Variants in SUSD4 observed in about 807,000 individuals in gnomAD.
The protein encoded by SUSD4 is sushi domain containing 4.
Under a neutral mutation model 50.5 loss-of-function variants are expected in SUSD4, and 41 were observed. The ratio of observed to expected loss-of-function variants is 0.81; its 90% confidence interval spans 0.63 to 1.05. The LOEUF (loss-of-function observed/expected upper bound fraction) is 1.05. Ranked by LOEUF, SUSD4 falls within the 50% of genes least tolerant of loss-of-function variation. SUSD4 has a pLI of 0.00. For missense variants in SUSD4, 580 were observed against 634.7 expected (o/e 0.91, Z 0.93); for synonymous variants, 257 against 257.3 (o/e 1.00, Z 0.01).
At chr1:223,226,080 C>A (rs2102992817) in intron 7 of SUSD4, among the ~76,000 whole-genome samples, 1 of 152,302 alleles carries the variant, frequency 6.6e-6, no homozygotes, top group African/African-American at 2.4e-5. Context: ...GGAAACTTTT[C>A]TTCCAAGCAT....
At chr1:223,235,154 G>T in intron 5 of SUSD4, 1 of 1,370,412 alleles carries the variant, frequency 7.3e-7, no homozygotes, top group Admixed American at 2.8e-5. Context: ...TCTCTTGATT[G>T]AAAAAAAAAA....
At chr1:223,244,572 A>G (rs1419788666) in intron 5 of SUSD4, among the ~76,000 whole-genome samples, 1 of 152,168 alleles carries the variant, frequency 6.6e-6, no homozygotes, top group African/African-American at 2.4e-5. Flanking sequence ...CCCTCAGTGT[A>G]GATAATGCAG....
intron 5 of SUSD4, among the ~76,000 whole-genome samples, chr1:223,258,195 C>T (rs755639014): frequency 3.7e-4 from 57 of 152,156 alleles, no homozygotes; most frequent in Non-Finnish European, 7.2e-4. Flanking sequence ...TTATACCAGG[C>T]GCCTCTTGTA....
intron 4 of SUSD4, among the ~76,000 whole-genome samples, chr1:223,268,284 T>C (rs1274985000): frequency 6.6e-6 from 1 of 151,884 alleles, no homozygotes; most frequent in Non-Finnish European, 1.5e-5. Context: ...TAAAACTGGG[T>C]GTATGGAGCT....
intron 2 of SUSD4, among the ~76,000 whole-genome samples, chr1:223,336,139 A>G (rs1667443960): frequency 6.6e-6 from 1 of 152,156 alleles, no homozygotes; most frequent in South Asian, 2.1e-4. Context: ...TTTTTAGTAG[A>G]TACGGGGTTT....
At chr1:223,244,635 A>G (rs1660797965) in intron 5 of SUSD4, among the ~76,000 whole-genome samples, 1 of 152,096 alleles carries the variant, frequency 6.6e-6, no homozygotes, top group African/African-American at 2.4e-5. Context: ...GGATTCTACC[A>G]CTGAGAACTG....
rs540152087 is a variant in SUSD4 at position 223,340,156 on chromosome 1, C to A, written c.148+23122G>T. ...CTGGTGCCATGGGCTTCAGTCTAGG[C>A]CCAGCACCCTGAAAAAAGCAGAATA... On this transcript the variant is annotated intron_variant, in intron 2 of 8. Transcript: ENST00000366878. 3.3e-5 allele frequency among the ~76,000 whole-genome samples: 5 copies of A among 152,286 alleles called. No homozygotes were observed. In the East Asian group the frequency reaches 9.7e-4, roughly 29 times the overall value.
intron 2 of SUSD4, among the ~76,000 whole-genome samples, chr1:223,337,358 C>A (rs1474626483): frequency 6.6e-6 from 1 of 152,102 alleles, no homozygotes; most frequent in Non-Finnish European, 1.5e-5. Context: ...TAGTACAATG[C>A]ATGAATGAAT....
At chr1:223,238,884 T>C (rs984513041) in intron 5 of SUSD4, among the ~76,000 whole-genome samples, 7 of 152,032 alleles carry the variant, frequency 4.6e-5, no homozygotes, top group African/African-American at 1.7e-4. Context: ...AGTTATGTCC[T>C]CACTGATTTT....
intron 7 of SUSD4, among the ~76,000 whole-genome samples, chr1:223,224,606 G>A (rs926780018): frequency 5.3e-5 from 8 of 152,172 alleles, no homozygotes; most frequent in African/African-American, 2.4e-5. Flanking sequence ...AGCAAGGCCC[G>A]GGTTGCTGGT....
intron 5 of SUSD4, among the ~76,000 whole-genome samples, chr1:223,254,760 TGA>T (rs1263396594): frequency 6.6e-6 from 1 of 152,184 alleles, no homozygotes; most frequent in Non-Finnish European, 1.5e-5. Flanking sequence ...GAGAGATGTG[TGA>T]CCAAGAAGAG....
intron 3 of SUSD4, among the ~76,000 whole-genome samples, chr1:223,279,260 G>A (rs538125354): frequency 3.3e-5 from 5 of 152,258 alleles, no homozygotes; most frequent in South Asian, 2.1e-4. Flanking sequence ...GGCTTCAGAC[G>A]ATCAAACTTC....
At chr1:223,314,278 A>C (rs987555240) in intron 2 of SUSD4, among the ~76,000 whole-genome samples, 2 of 152,216 alleles carry the variant, frequency 1.3e-5, no homozygotes, top group Non-Finnish European at 2.9e-5. Context: ...TGGAGTAATG[A>C]GGACTGAATG....
intron 2 of SUSD4, among the ~76,000 whole-genome samples, chr1:223,326,479 A>T (rs1666883660): frequency 2.6e-5 from 4 of 152,160 alleles, no homozygotes; most frequent in Admixed American, 2.6e-4. Context: ...ATGCAACAAA[A>T]ACAAAAATAA....
chr1:223,296,276 G>C (rs148781419), intron 2 of SUSD4, among the ~76,000 whole-genome samples: 1 of 152,290 alleles, frequency 6.6e-6, no homozygotes, highest in Non-Finnish European at 1.5e-5. Context: ...GGGAGTGAGA[G>C]AGGAGAGAGG....
intron 5 of SUSD4, among the ~76,000 whole-genome samples, chr1:223,232,502 A>C (rs1040587580): frequency 1.3e-5 from 2 of 152,248 alleles, no homozygotes; most frequent in African/African-American, 4.8e-5. Flanking sequence ...GTAGGATTAG[A>C]AAATTACCAA....
chr1:223,345,012 A>C (rs775591125), intron 2 of SUSD4, among the ~76,000 whole-genome samples: 1 of 152,224 alleles, frequency 6.6e-6, no homozygotes, highest in African/African-American at 2.4e-5. Flanking sequence ...CTCTTACTTA[A>C]GGGAAAACTA....
intron 2 of SUSD4, among the ~76,000 whole-genome samples, chr1:223,359,310 T>C (rs1306486424): frequency 6.6e-6 from 1 of 152,208 alleles, no homozygotes; most frequent in East Asian, 1.9e-4. Context: ...GTATACTATA[T>C]TCCAGATTAA....
chr1:223,256,862 T>C (rs1661729668), intron 5 of SUSD4, among the ~76,000 whole-genome samples: 1 of 152,124 alleles, frequency 6.6e-6, no homozygotes, highest in Admixed American at 6.5e-5. Context: ...AGGTGTGGGC[T>C]CAGGAGGCAC....
Sources: allele counts gnomAD v4.1 joint callset (sites outside exome capture counted in the v4.1 genomes callset), GRCh38; gene constraint gnomAD v4.1.1; transcripts MANE v1.5; gene names NCBI Gene and HGNC (gene_info 2026-07-23, HGNC 2026-07-21).